Variants in ABLIM1 observed in about 807,000 individuals in gnomAD.
ABLIM1 encodes actin binding LIM protein 1, also known as actin-binding LIM protein 1.
ABLIM1 carries 40 observed loss-of-function variants against 107.0 expected under a neutral mutation model. The ratio of observed to expected loss-of-function variants is 0.37; its 90% CI spans 0.29 to 0.49. ABLIM1 has a LOEUF of 0.49. Among genes scored for constraint, ABLIM1 ranks in the 20% least tolerant of loss-of-function variants. ABLIM1 has a pLI of 0.97. For missense variants in ABLIM1, 857 were observed against 1,008.5 expected, an observed-to-expected ratio of 0.85 and a Z score of 2.04; for synonymous variants, 357 against 357.3, an observed-to-expected ratio of 1.00 and a Z score of 0.01.
intron 2 of ABLIM1, among the ~76,000 whole-genome samples, chr10:114,598,365 T>A (rs1348919763): frequency 6.7e-6 from 1 of 148,630 alleles, no homozygotes; most frequent in Non-Finnish European, 1.5e-5. Context: ...GGCAGGCGGA[T>A]CACAAGTTCA....
At chr10:114,693,563 G>A (rs1566246081) in intron 1 of ABLIM1, among the ~76,000 whole-genome samples, 1 of 152,190 alleles carries the variant, frequency 6.6e-6, no homozygotes, top group Non-Finnish European at 1.5e-5. Context: ...TCCTCGCACA[G>A]CGCACAGCCA....
At chr10:114,607,660 C>T (rs2140143099) in intron 1 of ABLIM1, among the ~76,000 whole-genome samples, 1 of 152,228 alleles carries the variant, frequency 6.6e-6, no homozygotes, top group Admixed American at 6.5e-5. Flanking sequence ...CAAAACAAAA[C>T]AAAACCCATA....
At chr10:114,600,628 C>T (rs2075887005) in intron 2 of ABLIM1, among the ~76,000 whole-genome samples, 1 of 152,060 alleles carries the variant, frequency 6.6e-6, no homozygotes, top group African/African-American at 2.4e-5. Context: ...GTATGACACT[C>T]AAAATGAAAC....
chr10:114,607,056 C>T (rs182998978), intron 1 of ABLIM1, among the ~76,000 whole-genome samples: 5 of 152,212 alleles, frequency 3.3e-5, no homozygotes, highest in East Asian at 1.9e-4. Flanking sequence ...AAATTCCCTA[C>T]GCCCTTGCAC....
chr10:114,567,398 T>C (rs757663443), intron 4 of ABLIM1, among the ~76,000 whole-genome samples: 3 of 152,192 alleles, frequency 2.0e-5, no homozygotes, highest in Admixed American at 2.0e-4. Flanking sequence ...TGCCAAGCTA[T>C]AGGATTGTTA....
At chr10:114,517,391 T>C (rs901718867) in intron 6 of ABLIM1, among the ~76,000 whole-genome samples, 5 of 152,072 alleles carry the variant, frequency 3.3e-5, no homozygotes, top group Non-Finnish European at 1.5e-5. Context: ...CCAAGGATGC[T>C]GCAGCACTGG....
intron 4 of ABLIM1, among the ~76,000 whole-genome samples, chr10:114,568,041 T>G (rs1484718606): frequency 6.6e-6 from 1 of 151,024 alleles, no homozygotes; most frequent in African/African-American, 2.4e-5. Context: ...ATACAAAAAA[T>G]TAGCCGGGCG....
chr10:114,629,221 G>A lies in ABLIM1; in HGVS notation c.245-27260C>T, dbSNP rs543913470. 6.6e-6 allele frequency among the ~76,000 whole-genome samples: 1 copy of A among 152,250 alleles called. No individual in the cohort carries two copies. The highest frequency in any genetic ancestry group is 6.5e-5 in the Admixed American group (1 of 15,300). ...CGAACCAGGTATTTTATCCTAGAGA[G>A]AAAACTATGAGGCAAGCCAGTGTGA... On this transcript the variant is annotated intron_variant, in intron 1 of 22. Coordinates refer to ENST00000533213, the MANE Select transcript of ABLIM1 (RefSeq NM_002313.7). The surrounding 1 kb of genome is among the most constrained non-coding windows in gnomAD (Gnocchi z 4.0).
At chr10:114,460,250 C>T (rs1482339547) in intron 12 of ABLIM1, among the ~76,000 whole-genome samples, 1 of 152,154 alleles carries the variant, frequency 6.6e-6, no homozygotes, top group Non-Finnish European at 1.5e-5. Context: ...TACTTGGTCT[C>T]CTCACTGAGC....
intron 1 of ABLIM1, among the ~76,000 whole-genome samples, chr10:114,644,973 T>C (rs2078951183): frequency 6.6e-6 from 1 of 152,190 alleles, no homozygotes; most frequent in Admixed American, 6.5e-5. Context: ...ATTTCCTGGG[T>C]TCCTATCCCC....
chr10:114,717,952 G>C (rs975266308), intron 1 of ABLIM1, among the ~76,000 whole-genome samples: 2 of 139,586 alleles, frequency 1.4e-5, no homozygotes, highest in Admixed American at 7.5e-5. Context: ...GGGAGGGGAG[G>C]GGGAAAGAGA....
chr10:114,701,492 T>C (rs1566253391), intron 1 of ABLIM1, among the ~76,000 whole-genome samples: 2 of 152,184 alleles, frequency 1.3e-5, no homozygotes, highest in Non-Finnish European at 1.5e-5. Flanking sequence ...TTATTCATAT[T>C]AGTAAATAGC....
chr10:114,526,643 T>C, intron 6 of ABLIM1: 5 of 985,536 alleles, frequency 5.1e-6, no homozygotes, highest in Non-Finnish European at 6.0e-6. Context: ...GGTCACCTTG[T>C]GCAATGTCCG....
intron 1 of ABLIM1, among the ~76,000 whole-genome samples, chr10:114,727,058 G>A (rs1034122087): frequency 6.6e-6 from 1 of 152,264 alleles, no homozygotes; most frequent in Non-Finnish European, 1.5e-5. Flanking sequence ...TCAAAATGTC[G>A]TCATCAAAAC....
At position 114,658,012 on chromosome 10, in the gene ABLIM1, G is replaced by C. The variant is rs1159708124; in HGVS notation, c.189C>G (p.Leu63=). 6.2e-7 allele frequency: 1 copy of C among 1,614,076 alleles called. No homozygotes were observed. The highest frequency in any genetic ancestry group is 1.3e-5 in the African/African-American group (1 of 74,932). The part of the protein sequence containing the change: ...RRATITHLLY[L]CPKDYCPRGR... ...CACGTGGGCAGTAGTCCTTGGGACA[G>C]AGATACAGCAAATGAGTGATAGTGG... Residue 63 remains leucine (L), a synonymous_variant, in exon 1 of 23, where the codon CTC becomes CTG. Transcript: ENST00000533213.
intron 6 of ABLIM1, among the ~76,000 whole-genome samples, chr10:114,521,297 G>A (rs548405691): frequency 6.6e-6 from 1 of 152,324 alleles, no homozygotes; most frequent in East Asian, 1.9e-4. Flanking sequence ...TTCGGCAACT[G>A]CTCTGGGCCT....
chr10:114,759,567 T>G (rs1420857710), intron 1 of ABLIM1, among the ~76,000 whole-genome samples: 1 of 152,208 alleles, frequency 6.6e-6, no homozygotes, highest in Non-Finnish European at 1.5e-5. Context: ...TAGTCTCTGA[T>G]AGTAATTATA....
intron 1 of ABLIM1, among the ~76,000 whole-genome samples, chr10:114,621,325 T>C (rs972616251): frequency 6.6e-6 from 1 of 152,182 alleles, no homozygotes; most frequent in African/African-American, 2.4e-5. Context: ...AGAAAGTGAG[T>C]GCTTTCAGGT....
chr10:114,599,655 C>T (rs1206248937), intron 2 of ABLIM1, among the ~76,000 whole-genome samples: 4 of 151,856 alleles, frequency 2.6e-5, no homozygotes, highest in Non-Finnish European at 5.9e-5. Flanking sequence ...GGCACGGTGG[C>T]AGGTACCTGT....
Sources: gnomAD v4.1 joint callset for allele counts (sites outside exome capture counted in the v4.1 genomes callset) on GRCh38, gnomAD v4.1.1 for gene constraint, Gnocchi (gnomAD v3.1) non-coding constraint, MANE v1.5 for transcripts, NCBI Gene and HGNC (gene_info 2026-07-23, HGNC 2026-07-21) for gene names.